Variants in ELMOD1 observed in about 807,000 individuals in gnomAD.
The protein encoded by ELMOD1 is ELMO domain-containing protein 1.
In ELMOD1, 21 loss-of-function variants were observed where a neutral mutation model predicts 46.7. The ratio of observed to expected loss-of-function variants is 0.45; its 90% CI spans 0.32 to 0.65. The LOEUF (loss-of-function observed/expected upper bound fraction) is 0.65, where lower values mean the gene tolerates loss of function less well. Among genes scored for constraint, ELMOD1 ranks in the 30% least tolerant of loss-of-function variants. The pLI is 0.04. For synonymous variants in ELMOD1, 122 were observed against 138.2 expected, an observed-to-expected ratio of 0.88 and a Z score of 0.82; for missense variants, 348 against 407.8, an observed-to-expected ratio of 0.85 and a Z score of 1.26.
chr11:107,625,571 T>C (rs1180732002), intron 2 of ELMOD1: 2 of 985,302 alleles, frequency 2.0e-6, no homozygotes, highest in Non-Finnish European at 2.4e-6. Context: ...AGGGGCTACA[T>C]GGTTTTAGGC....
chr11:107,646,069 C>T (rs912406674), intron 6 of ELMOD1, among the ~76,000 whole-genome samples: 15 of 152,068 alleles, frequency 9.9e-5, no homozygotes, highest in Non-Finnish European at 2.1e-4. Flanking sequence ...TATACCCTGT[C>T]GGTAATGAAG....
chr11:107,604,723 G>T (rs772748100), intron 1 of ELMOD1, among the ~76,000 whole-genome samples: 23 of 152,106 alleles, frequency 1.5e-4, no homozygotes, highest in Admixed American at 6.5e-5. Flanking sequence ...CATAATTATA[G>T]CTCTAAAGTG....
At chr11:107,650,955 G>C in intron 9 of ELMOD1, 47 bp downstream of exon 9, 1 of 1,026,504 alleles carries the variant, frequency 9.7e-7, no homozygotes, top group Non-Finnish European at 1.3e-6. Context: ...TTTTGTCTTA[G>C]AATAAGTATG....
rs1555058610 is a variant in ELMOD1, at chr11:107,599,755, A to AAAAAAAAAAG, written c.-86+8350_-86+8351insAAAAAGAAAA. Among the ~76,000 whole-genome samples, 808 of 138,648 alleles carry AAAAAAAAAAG rather than the reference A, an allele frequency of 5.8e-3. 6 individuals carry two copies. Among genetic ancestry groups the AAAAAAAAAAG allele is most frequent in the African/African-American group, 0.023 (744 of 32,888 alleles). 91.0% of individuals were successfully genotyped at this position (138,648 alleles called of 152,430 possible). ...AGACCTGTCTCAAAAAAAAAAAGAA[A>AAAAAAAAAAG]AAAAGAAAAGAAAAAAAAAAAAAAC... On this transcript the variant is annotated intron_variant, in intron 1 of 11. Transcript: ENST00000265840.
chr11:107,604,166 C>G (rs1279774061), intron 1 of ELMOD1, among the ~76,000 whole-genome samples: 1 of 152,080 alleles, frequency 6.6e-6, no homozygotes, highest in Non-Finnish European at 1.5e-5. Context: ...TCTGAGCTGT[C>G]TTCATGTTTT....
chr11:107,611,566 G>A lies in ELMOD1; in HGVS notation c.-85-6539G>A, dbSNP rs541569094. ...ATATTTTTTAAAAAATTAGCCGGTC[G>A]TGGTGGCAGGTGCCTGTAGTCCCAG... On this transcript the variant is annotated intron_variant, in intron 1 of 11. Coordinates refer to ENST00000265840, the MANE Select transcript of ELMOD1 (RefSeq NM_018712.4). Among the ~76,000 whole-genome samples the A allele has an allele frequency of 7.0e-4, 106 of 151,874 alleles. No individual in the cohort carries two copies. In the Middle Eastern group the frequency reaches 0.014, roughly 19 times the overall value.
intron 11 of ELMOD1, among the ~76,000 whole-genome samples, chr11:107,663,991 C>A (rs950026170): frequency 2.0e-5 from 3 of 151,974 alleles, no homozygotes; most frequent in African/African-American, 7.2e-5. Context: ...CTTTTGTCTT[C>A]TTTTTCTCTT....
chr11:107,661,945 C>T (rs1866746380), intron 11 of ELMOD1, among the ~76,000 whole-genome samples: 1 of 152,098 alleles, frequency 6.6e-6, no homozygotes, highest in Non-Finnish European at 1.5e-5. Context: ...CACATTTTTC[C>T]ATACATAGCT....
intron 6 of ELMOD1, chr11:107,643,590 T>C (rs1201629546): frequency 3.8e-6 from 2 of 525,240 alleles, no homozygotes; most frequent in Non-Finnish European, 7.8e-6. Context: ...TCAGTTGCTG[T>C]CATTTGAGTA....
intron 1 of ELMOD1, among the ~76,000 whole-genome samples, chr11:107,617,078 G>A (rs923738270): frequency 6.6e-6 from 1 of 152,130 alleles, no homozygotes; most frequent in Non-Finnish European, 1.5e-5. Flanking sequence ...AACACACAAA[G>A]TTGAGAAGAT....
At chr11:107,610,832 T>C (rs1437388857) in intron 1 of ELMOD1, among the ~76,000 whole-genome samples, 1 of 151,992 alleles carries the variant, frequency 6.6e-6, no homozygotes, top group African/African-American at 2.4e-5. Flanking sequence ...AGAGTGAACT[T>C]AAATTCTTCC....
intron 11 of ELMOD1, among the ~76,000 whole-genome samples, chr11:107,659,171 A>C (rs994098881): frequency 1.3e-4 from 20 of 152,184 alleles, no homozygotes; most frequent in African/African-American, 4.8e-4. Context: ...CTGGAAGCCT[A>C]AGAGCAGGTT....
At chr11:107,634,409 G>A (rs1437539121) in intron 5 of ELMOD1, among the ~76,000 whole-genome samples, 2 of 152,114 alleles carry the variant, frequency 1.3e-5, no homozygotes, top group Non-Finnish European at 2.9e-5. Context: ...TATTCAAATA[G>A]TGTACATTCG....
intron 6 of ELMOD1, among the ~76,000 whole-genome samples, chr11:107,637,657 C>T (rs777109053): frequency 6.6e-6 from 1 of 151,862 alleles, no homozygotes; most frequent in Non-Finnish European, 1.5e-5. Flanking sequence ...CGCACCACTG[C>T]ACTCCAGCCT....
chr11:107,646,024 C>T (rs1310949241), intron 6 of ELMOD1, among the ~76,000 whole-genome samples: 3 of 152,056 alleles, frequency 2.0e-5, no homozygotes, highest in Non-Finnish European at 4.4e-5. Context: ...TGAATTATTT[C>T]TGAAATAGTA....
At chr11:107,635,820 G>A (rs866163360) in intron 6 of ELMOD1, 55 bp downstream of exon 6, 21 of 1,558,418 alleles carry the variant, frequency 1.3e-5, no homozygotes, top group Middle Eastern at 3.3e-4. Flanking sequence ...CATTTGCCAG[G>A]CACCTGCTAT....
chr11:107,644,447 C>T (rs1051903055), intron 6 of ELMOD1, among the ~76,000 whole-genome samples: 1 of 151,976 alleles, frequency 6.6e-6, no homozygotes, highest in African/African-American at 2.4e-5. Flanking sequence ...TGCACTCACT[C>T]GATGAAACAA....
At chr11:107,641,218 G>A (rs1220236459) in intron 6 of ELMOD1, among the ~76,000 whole-genome samples, 1 of 151,870 alleles carries the variant, frequency 6.6e-6, no homozygotes, top group African/African-American at 2.4e-5. Context: ...CTTGAGCCTG[G>A]GAGGCAGAGG....
intron 5 of ELMOD1, 113 bp from the exon 6 acceptor site, chr11:107,635,523 C>T: frequency 9.5e-7 from 1 of 1,053,140 alleles, no homozygotes; most frequent in South Asian, 2.1e-5. Flanking sequence ...TGAGCAATTT[C>T]CTGAATATTA....
Sources: gnomAD v4.1 joint callset for allele counts (sites outside exome capture counted in the v4.1 genomes callset) on GRCh38, gnomAD v4.1.1 for gene constraint, MANE v1.5 for transcripts, NCBI Gene and HGNC (gene_info 2026-07-23, HGNC 2026-07-21) for gene names.